INPP4B: variants seen among roughly 807,000 people sequenced by gnomAD.
INPP4B encodes inositol polyphosphate-4-phosphatase type II B.
In INPP4B, 55 loss-of-function variants were observed where a neutral mutation model predicts 122.5. The observed-to-expected ratio is 0.45, with a 90% CI of 0.36 to 0.56. The LOEUF (loss-of-function observed/expected upper bound fraction) is 0.56. Ranked by LOEUF, INPP4B falls within the 20% of genes least tolerant of loss-of-function variation. The probability of loss-of-function intolerance (pLI) is 0.00; values close to 1 mark genes in which losing one functional copy is unlikely to be tolerated. For missense variants in INPP4B, 1,000 were observed against 1,097.7 expected, an observed-to-expected ratio of 0.91 and a Z score of 1.26; for synonymous variants, 403 against 388.7, an observed-to-expected ratio of 1.04 and a Z score of -0.43.
In INPP4B at chr4:142,246,074, C is replaced by CAT. The variant is rs1332167745; in HGVS notation, c.689-8064_689-8063insAT. Among the ~76,000 whole-genome samples, 595 of 139,242 alleles carry CAT rather than the reference C, an allele frequency of 4.3e-3. 2 individuals are homozygous for CAT. Among genetic ancestry groups the CAT allele is most frequent in the African/African-American group, 0.015 (471 of 32,020 alleles). 91.3% of individuals were successfully genotyped at this position (139,242 alleles called of 152,430 possible). On this transcript the variant is annotated intron_variant, in intron 11 of 25. Coordinates refer to ENST00000262992, the MANE Select transcript of INPP4B (RefSeq NM_001101669.3). Reference sequence around the variant, plus strand: ...CATTATATATATGTGTGTGTGTATACACACATTATATATATGTGTGTGTGT... The same window carrying CAT: ...CATTATATATATGTGTGTGTGTATACATACACATTATATATATGTGTGTGTGT...
intron 1 of INPP4B, among the ~76,000 whole-genome samples, chr4:142,760,638 G>GA (rs1002141408): frequency 3.3e-5 from 5 of 151,650 alleles, no homozygotes; most frequent in East Asian, 3.9e-4. Flanking sequence ...ACAGCTAATT[G>GA]AAAAAAAAGT....
At chr4:142,803,725 C>G (rs1322931837) in intron 1 of INPP4B, among the ~76,000 whole-genome samples, 3 of 151,466 alleles carry the variant, frequency 2.0e-5, no homozygotes, top group African/African-American at 7.3e-5. Context: ...TGATGTTAAT[C>G]CTCAATAGGA....
At chr4:142,241,705 A>T (rs1278501031) in intron 11 of INPP4B, among the ~76,000 whole-genome samples, 1 of 152,224 alleles carries the variant, frequency 6.6e-6, no homozygotes, top group Admixed American at 6.5e-5. Flanking sequence ...TCAAAGAGAT[A>T]TCATAGGGAT....
intron 7 of INPP4B, among the ~76,000 whole-genome samples, chr4:142,319,385 A>T (rs1769147745): frequency 6.6e-6 from 1 of 152,224 alleles, no homozygotes; most frequent in African/African-American, 2.4e-5. Context: ...TGTTACTCTA[A>T]TTCTCTATGT....
At chr4:142,324,243 G>A (rs960094095) in intron 7 of INPP4B, among the ~76,000 whole-genome samples, 1 of 152,138 alleles carries the variant, frequency 6.6e-6, no homozygotes, top group Admixed American at 6.5e-5. Flanking sequence ...CTCCAGACCT[G>A]TGAGAAAATA....
chr4:142,535,529 C>G (rs1217039784), intron 2 of INPP4B, among the ~76,000 whole-genome samples: 1 of 152,022 alleles, frequency 6.6e-6, no homozygotes, highest in Non-Finnish European at 1.5e-5. Flanking sequence ...CCTGATTTAT[C>G]AAAAATAAAT....
chr4:142,611,562 T>A (rs1422302117), intron 2 of INPP4B, among the ~76,000 whole-genome samples: 2 of 151,682 alleles, frequency 1.3e-5, no homozygotes, highest in Non-Finnish European at 2.9e-5. Context: ...AAAAAAAAAA[T>A]TATTTGTGTG....
chr4:142,478,330 G>A (rs1358641925), intron 2 of INPP4B, among the ~76,000 whole-genome samples: 1 of 152,012 alleles, frequency 6.6e-6, no homozygotes, highest in Non-Finnish European at 1.5e-5. Flanking sequence ...TGATGAGAGC[G>A]GGAATCTTTC....
chr4:142,167,523 C>T (rs992294626), intron 16 of INPP4B, among the ~76,000 whole-genome samples: 3 of 151,690 alleles, frequency 2.0e-5, no homozygotes, highest in Non-Finnish European at 3.0e-5. Flanking sequence ...CAAACCTGCA[C>T]GTACTGCACA....
chr4:142,627,725 G>A (rs546869228), intron 2 of INPP4B, among the ~76,000 whole-genome samples: 1 of 151,792 alleles, frequency 6.6e-6, no homozygotes, highest in South Asian at 2.1e-4. Context: ...TTTTTTGGTT[G>A]TGTCTCTGCC....
intron 17 of INPP4B, among the ~76,000 whole-genome samples, chr4:142,151,245 T>C (rs950427977): frequency 1.2e-4 from 18 of 152,140 alleles, no homozygotes; most frequent in African/African-American, 4.3e-4. Context: ...TGTTTCAAAC[T>C]GGCACGTGTA....
At chr4:142,216,096 C>T (rs1847137851) in intron 12 of INPP4B, among the ~76,000 whole-genome samples, 1 of 152,026 alleles carries the variant, frequency 6.6e-6, no homozygotes, top group Non-Finnish European at 1.5e-5. Context: ...TACTCACAGT[C>T]ACAACAGCTT....
At chr4:142,239,523 T>G (rs1353389667) in intron 11 of INPP4B, among the ~76,000 whole-genome samples, 1 of 152,160 alleles carries the variant, frequency 6.6e-6, no homozygotes, top group Non-Finnish European at 1.5e-5. Context: ...TTTACTTTCT[T>G]TTGCCTGAAA....
intron 2 of INPP4B, among the ~76,000 whole-genome samples, chr4:142,721,619 G>T (rs1032453624): frequency 1.3e-5 from 2 of 152,048 alleles, no homozygotes; most frequent in South Asian, 4.2e-4. Flanking sequence ...TCAGGAGATC[G>T]ACACTATCCT....
intron 18 of INPP4B, among the ~76,000 whole-genome samples, chr4:142,141,910 C>T (rs1808043661): frequency 1.3e-5 from 2 of 151,990 alleles, no homozygotes; most frequent in South Asian, 4.2e-4. Context: ...TTGATTTACT[C>T]CAAATTTAGA....
intron 7 of INPP4B, among the ~76,000 whole-genome samples, chr4:142,324,409 T>C (rs889247543): frequency 2.6e-5 from 4 of 152,130 alleles, no homozygotes; most frequent in Admixed American, 6.5e-5. Context: ...AAAAAGTGGA[T>C]ATTGTTAAGA....
intron 21 of INPP4B, among the ~76,000 whole-genome samples, chr4:142,121,127 T>C (rs1203359426): frequency 6.6e-6 from 1 of 152,080 alleles, no homozygotes; most frequent in African/African-American, 2.4e-5. Flanking sequence ...AATTGTACTG[T>C]TTTTCAGGTG....
At chr4:142,082,569 C>A (rs564053722) in intron 24 of INPP4B, among the ~76,000 whole-genome samples, 4 of 152,056 alleles carry the variant, frequency 2.6e-5, no homozygotes, top group Non-Finnish European at 4.4e-5. Flanking sequence ...AAACAACCAA[C>A]CAAAAAACTA....
intron 9 of INPP4B, among the ~76,000 whole-genome samples, chr4:142,295,381 G>A (rs949248205): frequency 1.2e-4 from 18 of 152,196 alleles, no homozygotes; most frequent in Non-Finnish European, 1.3e-4. Context: ...GGCATGATGT[G>A]TGGGGAATTG....
Sources: gnomAD v4.1 joint callset for allele counts (sites outside exome capture counted in the v4.1 genomes callset) on GRCh38, gnomAD v4.1.1 for gene constraint, MANE v1.5 for transcripts, NCBI Gene and HGNC (gene_info 2026-07-23, HGNC 2026-07-21) for gene names.